Variants in TRHR observed in about 807,000 individuals in gnomAD.
TRHR encodes thyrotropin releasing hormone receptor.
A neutral mutation model predicts 28.0 loss-of-function variants in TRHR; 14 were observed. That is an observed-to-expected ratio of 0.50 (90% CI 0.33 to 0.78). The LOEUF is 0.78. Ranked by LOEUF, TRHR falls within the 30% of genes least tolerant of loss-of-function variation. The probability of loss-of-function intolerance (pLI) is 0.02; values close to 1 mark genes in which losing one functional copy is unlikely to be tolerated. For missense variants in TRHR, 438 were observed against 469.5 expected (o/e 0.93, Z 0.62); for synonymous variants, 176 against 171.9 (o/e 1.02, Z -0.18).
In TRHR at chr8:109,087,722, T is replaced by C. The variant is rs1426162151; in HGVS notation, c.210T>C (p.Ala70=). The C allele has an allele frequency of 1.9e-6, 3 of 1,614,150 alleles. No individual in the cohort carries two copies. The highest frequency in any genetic ancestry group is 1.7e-6 in the Non-Finnish European group (2 of 1,180,032). The change falls in exon 2 of 3, where the codon GCT becomes GCC. Residue 70 remains alanine, a synonymous_variant. Transcript: ENST00000518632. ...GCTACCTGGTGAGCCTGGCAGTAGC[T>C]GATCTCATGGTCTTGGTGGCCGCAG... ...TNCYLVSLAV[A]DLMVLVAAGL... is the part of the protein sequence containing the mutation.
In TRHR at chr8:109,120,905, C is replaced by G. The variant is rs566196748; in HGVS notation, c.*1450C>G. On this transcript the variant is annotated 3_prime_UTR_variant, in exon 3 of 3. Transcript: ENST00000518632. Reference sequence around the variant, plus strand: ...ACCCATACCTTTACATGCCCGTAGGCTGTCATTTTCCCTCTCCAGCCTATA... The same window carrying G: ...ACCCATACCTTTACATGCCCGTAGGGTGTCATTTTCCCTCTCCAGCCTATA... 2.6e-5 allele frequency among the ~76,000 whole-genome samples: 4 copies of G among 151,674 alleles called. No individual in the cohort carries two copies. The East Asian group carries it at 7.8e-4, about 30-fold the overall frequency.
chr8:109,101,534 G>A (rs1248235755), intron 2 of TRHR, among the ~76,000 whole-genome samples: 1 of 152,090 alleles, frequency 6.6e-6, no homozygotes, highest in Non-Finnish European at 1.5e-5. Context: ...AGGGTTGAGT[G>A]CAAAATTTCA....
chr8:109,106,491 A>G (rs1001481857), intron 2 of TRHR, among the ~76,000 whole-genome samples: 3 of 152,180 alleles, frequency 2.0e-5, no homozygotes, highest in Admixed American at 2.0e-4. Context: ...TCATAACAAT[A>G]TAGCCAATAA....
intron 2 of TRHR, among the ~76,000 whole-genome samples, chr8:109,116,096 G>T (rs1293911031): frequency 6.6e-6 from 1 of 152,072 alleles, no homozygotes; most frequent in Non-Finnish European, 1.5e-5. Flanking sequence ...TTATAAGCTG[G>T]ATTACATTTA....
At chr8:109,094,585 C>G (rs954327404) in intron 2 of TRHR, among the ~76,000 whole-genome samples, 1 of 151,920 alleles carries the variant, frequency 6.6e-6, no homozygotes, top group African/African-American at 2.4e-5. Flanking sequence ...TTTTCTGATT[C>G]ACATCCTGTA....
At chr8:109,099,146 T>G (rs569976194) in intron 2 of TRHR, among the ~76,000 whole-genome samples, 2 of 152,000 alleles carry the variant, frequency 1.3e-5, no homozygotes, top group African/African-American at 4.8e-5. Context: ...AGGGAGAGAT[T>G]ACAGAGAGAC....
chr8:109,088,211 A>C lies in TRHR; in HGVS notation c.699A>C (p.Thr233=). The C allele has an allele frequency of 1.2e-6, 2 of 1,614,152 alleles. No homozygotes were observed. The highest frequency in any genetic ancestry group is 1.7e-6 in the Non-Finnish European group (2 of 1,180,024). Residue 233 remains threonine (T), a synonymous_variant, in exon 2 of 3, where the codon ACA becomes ACC. Transcript: ENST00000518632. ...IPSDPKENSK[T]WKNDSTHQNT... ...CAGATCCTAAAGAAAACTCTAAGAC[A>C]TGGAAAAATGATTCAACCCATCAGA...
rs755262155 is a variant in TRHR, at chr8:109,119,292, C to T, written c.1034C>T (p.Pro345Leu). 6.2e-7 allele frequency: 1 copy of T among 1,612,700 alleles called. No individual in the cohort carries two copies. Among genetic ancestry groups the T allele is most frequent in the Non-Finnish European group, 8.5e-7 (1 of 1,179,212 alleles). The change falls in exon 3 of 3, where the codon CCT becomes CTT. Residue 345 changes from proline (P) to leucine (L), a missense_variant. By Grantham distance (98) the Pro-to-Leu change is moderately conservative (BLOSUM62 -3). Coordinates refer to ENST00000518632, the MANE Select transcript of TRHR (RefSeq NM_003301.7). The stretch of plus-strand genomic sequence containing the variant: ...TGCAAGCAGAAGCCAACAGAGAAAC[C>T]TGCTAACTACAGTGTGGCCCTAAAT... ...CNCKQKPTEK[P>L]ANYSVALNYS...
intron 2 of TRHR, among the ~76,000 whole-genome samples, chr8:109,108,033 C>A (rs1811776317): frequency 6.6e-6 from 1 of 152,120 alleles, no homozygotes; most frequent in Non-Finnish European, 1.5e-5. Flanking sequence ...TCTGTGAGTT[C>A]TTTTAGGACA....
intron 2 of TRHR, among the ~76,000 whole-genome samples, chr8:109,117,664 T>C (rs1236778015): frequency 6.6e-6 from 1 of 151,832 alleles, no homozygotes; most frequent in African/African-American, 2.4e-5. Flanking sequence ...ACAATGAAGA[T>C]GATAATCACT....
intron 2 of TRHR, among the ~76,000 whole-genome samples, chr8:109,094,436 T>C (rs963149841): frequency 6.6e-6 from 1 of 152,090 alleles, no homozygotes; most frequent in Admixed American, 6.6e-5. Flanking sequence ...TTTTTAATTG[T>C]ATTATTTATT....
At chr8:109,100,618 A>T (rs1409021667) in intron 2 of TRHR, among the ~76,000 whole-genome samples, 4 of 152,206 alleles carry the variant, frequency 2.6e-5, no homozygotes, top group Non-Finnish European at 5.9e-5. Flanking sequence ...AGCCATTAGG[A>T]TGCAAAAATG....
In TRHR at chr8:109,088,106, CTT is replaced by C; in HGVS notation, c.597_598del (p.Phe199LeufsTer17). ...SPIYLMDFGV[F>X]YVVPMILATV... ...CTATTTACCTAATGGACTTTGGTGT[CTT>C]TTATGTTGTGCCAATGATCCTGGCT... On this transcript the variant is annotated frameshift_variant, in exon 2 of 3. Coordinates refer to ENST00000518632, the MANE Select transcript of TRHR (RefSeq NM_003301.7). LOFTEE classifies it high-confidence loss of function. 6.2e-7 allele frequency: 1 copy of C among 1,614,086 alleles called. No homozygotes were observed. Among genetic ancestry groups the C allele is most frequent in the South Asian group, 1.1e-5 (1 of 91,078 alleles).
intron 2 of TRHR, 79 bp from the exon 3 acceptor site, chr8:109,118,969 G>T: frequency 1.3e-6 from 2 of 1,583,868 alleles, no homozygotes; most frequent in Non-Finnish European, 1.7e-6. Context: ...GGGAACTAAA[G>T]GTTTGGGTGA....
chr8:109,088,305 A>G lies in TRHR; in HGVS notation c.789+4A>G. ...CACAGTATCTTCAAGGAAGCAGGTA[A>G]GCAAAACTGAAACTCCAAGTCAATA... On this transcript the variant is annotated splice_donor_region_variant and intron_variant, in intron 2 of 2. Coordinates refer to ENST00000518632, the MANE Select transcript of TRHR (RefSeq NM_003301.7). The G allele has an allele frequency of 6.2e-7, 1 of 1,612,912 alleles. No homozygotes were observed. The highest frequency in any genetic ancestry group is 2.2e-5 in the East Asian group (1 of 44,858).
rs5775 is a variant in TRHR at position 109,087,635 on chromosome 8, A to G, written c.123A>G (p.Val41=). ...TCATTATTTGTGGCCTGGGCATTGT[A>G]GGCAACATCATGGTAGTCCTGGTTG... ...LVLIICGLGI[V]GNIMVVLVVM... is the part of the protein sequence containing the mutation. Residue 41 remains valine, a synonymous_variant, in exon 2 of 3, where the codon GTA becomes GTG. Coordinates refer to ENST00000518632, the MANE Select transcript of TRHR (RefSeq NM_003301.7). 3.5e-3 allele frequency: 5,682 copies of G among 1,614,168 alleles called. 11 individuals carry two copies. Among genetic ancestry groups the G allele is most frequent in the Non-Finnish European group, 4.4e-3 (5,231 of 1,180,040 alleles).
At position 109,121,218 on chromosome 8, in the gene TRHR, T is replaced by C. The variant is rs1812003208; in HGVS notation, c.*1763T>C. ...TACCTGCATGACAGTAAGCAATCTA[T>C]GTTAACTGACTTTTCATTCTGGTAT... On this transcript the variant is annotated 3_prime_UTR_variant, in exon 3 of 3. Transcript: ENST00000518632. 6.6e-6 allele frequency among the ~76,000 whole-genome samples: 1 copy of C among 151,758 alleles called. No individual in the cohort carries two copies. Among genetic ancestry groups the C allele is most frequent in the African/African-American group, 2.4e-5 (1 of 41,468 alleles).
intron 2 of TRHR, among the ~76,000 whole-genome samples, chr8:109,101,322 G>T (rs114159940): frequency 3.4e-4 from 52 of 152,120 alleles, no homozygotes; most frequent in African/African-American, 1.1e-3. Context: ...GAATAGAAAG[G>T]AGTCAAAGTG....
At chr8:109,113,924 C>G (rs1011880463) in intron 2 of TRHR, among the ~76,000 whole-genome samples, 1 of 152,022 alleles carries the variant, frequency 6.6e-6, no homozygotes, top group East Asian at 1.9e-4. Flanking sequence ...CAGGGTTGAA[C>G]TGCATATATA....
Sources: gnomAD v4.1 joint callset for allele counts (sites outside exome capture counted in the v4.1 genomes callset) on GRCh38, gnomAD v4.1.1 for gene constraint, MANE v1.5 for transcripts, NCBI Gene and HGNC (gene_info 2026-07-23, HGNC 2026-07-21) for gene names.